Variants in BCAR1 observed in about 807,000 individuals in gnomAD.
BCAR1 encodes BCAR1 scaffold protein, Cas family member.
In BCAR1, 30 loss-of-function variants were observed where a neutral mutation model predicts 67.6. The observed-to-expected ratio is 0.44, with a 90% CI of 0.33 to 0.60. The LOEUF is 0.60. BCAR1 is among the 20% of genes least tolerant of loss of function. The pLI is 0.02. For missense variants in BCAR1, 1,313 were observed against 1,222.3 expected, an observed-to-expected ratio of 1.07 and a Z score of -1.11; for synonymous variants, 626 against 556.7, an observed-to-expected ratio of 1.12 and a Z score of -1.75.
At chr16:75,264,154 T>C (rs1374374024) in intron 1 of BCAR1, 1 of 1,318,648 alleles carries the variant, frequency 7.6e-7, no homozygotes, top group Non-Finnish European at 9.7e-7. Flanking sequence ...TTGTTACAGA[T>C]GAGGCACAGT....
rs138192958 is a variant in BCAR1 at position 75,235,193 on chromosome 16, G to T, written c.1706C>A (p.Ser569Tyr). ...GQALDAGRGGSGATLEDLDRL... is the reference protein window; with the variant it reads ...GQALDAGRGGYGATLEDLDRL... ...GTCCAGGTCCTCAAGGGTGGCTCCAGAGCCTCCCCGGCCAGCGTCGAGGGC... is the reference window on the plus strand; with the variant it reads ...GTCCAGGTCCTCAAGGGTGGCTCCATAGCCTCCCCGGCCAGCGTCGAGGGC... The change falls in exon 5 of 7, where the codon TCT becomes TAT. Residue 569 changes from serine (S) to tyrosine (Y), a missense_variant. Transcript: ENST00000162330. The T allele has an allele frequency of 8.1e-6, 13 of 1,608,516 alleles. No individual in the cohort carries two copies. The South Asian group carries it at 1.4e-4, about 18-fold the overall frequency.
chr16:75,230,380 G>C (rs1597150847), intron 6 of BCAR1, among the ~76,000 whole-genome samples: 1 of 152,168 alleles, frequency 6.6e-6, no homozygotes, highest in East Asian at 1.9e-4. Flanking sequence ...GAAAATGGCT[G>C]AAGGGCACTG....
Position 75,229,700 on chromosome 16 carries a change from C to T in BCAR1, c.2424G>A (p.Val808=), listed in dbSNP as rs1172108094. 1.9e-6 allele frequency: 3 copies of T among 1,612,804 alleles called. No individual in the cohort carries two copies. The highest frequency in any genetic ancestry group is 2.7e-5 in the African/African-American group (2 of 74,950). Residue 808 remains valine (V), a synonymous_variant, in exon 7 of 7, where the codon GTG becomes GTA. Transcript: ENST00000162330. ...TLSRQAKAAD[V]RSQVTHYSNL... ...TGCTGTAGTGGGTCACCTGGCTGCG[C>T]ACGTCAGCAGCCTTGGCCTGCCGTG...
At position 75,263,627 on chromosome 16, in the gene BCAR1, C is replaced by G. The variant is rs1342519957; in HGVS notation, c.66+4288G>C. On this transcript the variant is annotated intron_variant, in intron 1 of 6. Coordinates refer to the BCAR1 transcript ENST00000393422. ...GTCGCTACCCGCACAACCAGCCCAC[C>G]AATCTCTCACCCTGCTTCCCCTCCC... 2.7e-5 allele frequency: 27 copies of G among 985,342 alleles called. No individual in the cohort carries two copies. The South Asian group carries it at 1.2e-3, about 45-fold the overall frequency. 61.0% of individuals were successfully genotyped at this position (985,342 alleles called of 1,614,324 possible).
At chr16:75,244,964 G>A (rs926215368) in intron 1 of BCAR1, among the ~76,000 whole-genome samples, 3 of 152,190 alleles carry the variant, frequency 2.0e-5, no homozygotes, top group African/African-American at 7.2e-5. Flanking sequence ...TGTTTTTCAG[G>A]AATGAGTGTT....
chr16:75,250,323 C>T (rs551683498), intron 1 of BCAR1, among the ~76,000 whole-genome samples: 68 of 152,260 alleles, frequency 4.5e-4, no homozygotes, highest in African/African-American at 1.6e-3. Context: ...CTCCAGGCAC[C>T]CCGACACCTG....
At position 75,251,543 on chromosome 16, in the gene BCAR1, G is replaced by C. The variant is rs946873318; in HGVS notation, c.-61C>G. 4.2e-6 allele frequency: 5 copies of C among 1,185,150 alleles called. No individual in the cohort carries two copies. In the East Asian group the frequency reaches 1.9e-4, roughly 44 times the overall value. 73.4% of individuals were successfully genotyped at this position (1,185,150 alleles called of 1,614,324 possible). ...GGGCGCACACCGAGCTGCCCGGGCC[G>C]CGTGCCCTCGGGGCTCCGAGCGCGC... On this transcript the variant is annotated 5_prime_UTR_variant, in exon 1 of 7. Coordinates refer to ENST00000162330, the MANE Select transcript of BCAR1 (RefSeq NM_014567.5).
upstream of BCAR1, chr16:75,251,799 C>T (rs1164748227): frequency 2.7e-5 from 14 of 518,136 alleles, no homozygotes; most frequent in Non-Finnish European, 3.5e-5. Flanking sequence ...CGCCCCCCAC[C>T]TCCAACCCCG....
intron 1 of BCAR1, chr16:75,248,412 TGGCCAACGGA>T (rs1468807798): frequency 1.7e-5 from 19 of 1,133,192 alleles, no homozygotes; most frequent in Admixed American, 3.8e-5. Context: ...AGAGCCTCCG[TGGCCAACGGA>T]TGCAGGCCCA....
chr16:75,250,966 C>T, intron 1 of BCAR1: 1 of 985,582 alleles, frequency 1.0e-6, no homozygotes, highest in Non-Finnish European at 1.2e-6. Context: ...CCGGGTGCTC[C>T]GGCTGCGCAG....
upstream of BCAR1, among the ~76,000 whole-genome samples, chr16:75,255,862 A>C (rs2077763606): frequency 6.6e-6 from 1 of 151,238 alleles, no homozygotes; most frequent in Non-Finnish European, 1.5e-5. Context: ...GTGGTGGCAC[A>C]TGCCTGTAAT....
At chr16:75,254,217 C>T (rs2077733633), upstream of BCAR1, among the ~76,000 whole-genome samples, 1 of 152,154 alleles carries the variant, frequency 6.6e-6, no homozygotes, top group African/African-American at 2.4e-5. Flanking sequence ...TGCTAGACCT[C>T]AGCCCACCCT....
chr16:75,267,724 C>T (rs1029511319), intron 1 of BCAR1, among the ~76,000 whole-genome samples: 1 of 152,194 alleles, frequency 6.6e-6, no homozygotes, highest in Non-Finnish European at 1.5e-5. Context: ...ATGGGGCGGG[C>T]GGTGGAGAAA....
chr16:75,234,813 T>C, intron 5 of BCAR1, 76 bp downstream of exon 5: 1 of 1,503,094 alleles, frequency 6.7e-7, no homozygotes, highest in African/African-American at 1.4e-5. Context: ...AGGCCCCAGC[T>C]GAGAACAAAT....
chr16:75,264,780 T>G, intron 1 of BCAR1: 1 of 590,210 alleles, frequency 1.7e-6, no homozygotes, highest in Non-Finnish European at 2.3e-6. Flanking sequence ...GATGGGGTCC[T>G]CCGGGTGAGG....
chr16:75,263,964 G>A, intron 1 of BCAR1: 1 of 1,146,054 alleles, frequency 8.7e-7, no homozygotes, highest in Non-Finnish European at 1.1e-6. Context: ...TGATCTGCCA[G>A]CCAGCCACGT....
At chr16:75,238,194 G>A (rs2077209787) in intron 2 of BCAR1, 2 of 1,233,000 alleles carry the variant, frequency 1.6e-6, no homozygotes, top group Non-Finnish European at 2.1e-6. Context: ...GCACCAGCCT[G>A]AAGCGGGTAG....
chr16:75,247,078 C>CT lies in BCAR1; in HGVS notation c.13-3989dup, dbSNP rs533977484. On this transcript the variant is annotated intron_variant, in intron 1 of 6. Coordinates refer to ENST00000162330, the MANE Select transcript of BCAR1 (RefSeq NM_014567.5). Reference sequence around the variant, plus strand: ...ATCATCCCCTCCAGGAAGGCTCCTCCTGGGACACCTTCTCCCCTCTGCCCC... The same window carrying CT: ...ATCATCCCCTCCAGGAAGGCTCCTCCTTGGGACACCTTCTCCCCTCTGCCCC... The CT allele has an allele frequency of 1.1e-3, 173 of 152,920 alleles. 1 individual carries two copies. The highest frequency in any genetic ancestry group is 1.5e-3 in the Non-Finnish European group (103 of 68,392). 9.5% of individuals were successfully genotyped at this position (152,920 alleles called of 1,614,324 possible).
chr16:75,260,657 C>G (rs1047061644), intron 1 of BCAR1, among the ~76,000 whole-genome samples: 1 of 151,608 alleles, frequency 6.6e-6, no homozygotes, highest in Non-Finnish European at 1.5e-5. Flanking sequence ...AAAACCTCAT[C>G]CAACTAACTG....
Sources: gnomAD v4.1 joint callset for allele counts (sites outside exome capture counted in the v4.1 genomes callset) on GRCh38, gnomAD v4.1.1 for gene constraint, MANE v1.5 for transcripts, NCBI Gene and HGNC (gene_info 2026-07-23, HGNC 2026-07-21) for gene names.